The following PHF19 variants were observed in gnomAD, a reference collection of about 807,000 sequenced individuals.
PHF19 encodes the protein polycomb like 3.
A neutral mutation model predicts 79.8 loss-of-function variants in PHF19; 21 were observed. That is an observed-to-expected ratio of 0.26 (90% CI 0.19 to 0.38). PHF19 has a LOEUF of 0.38. PHF19 is among the 10% of genes least tolerant of loss of function. The pLI, the probability that PHF19 is intolerant of heterozygous loss-of-function variation, is 1.00. For missense variants in PHF19, 445 were observed against 744.2 expected, an observed-to-expected ratio of 0.60 and a Z score of 4.68; for synonymous variants, 273 against 296.3, an observed-to-expected ratio of 0.92 and a Z score of 0.81.
intron 1 of PHF19, among the ~76,000 whole-genome samples, chr9:120,888,196 G>A (rs2046294601): frequency 2.0e-5 from 3 of 152,114 alleles, no homozygotes; most frequent in South Asian, 2.1e-4. Flanking sequence ...GGCTGGTCTT[G>A]AACTCCTGAC....
chr9:120,863,799 C>T (rs537075277), intron 10 of PHF19, among the ~76,000 whole-genome samples: 12 of 152,286 alleles, frequency 7.9e-5, no homozygotes, highest in African/African-American at 2.6e-4. Flanking sequence ...CCGGAGGGGC[C>T]CTCAGAGAGC....
intron 1 of PHF19, among the ~76,000 whole-genome samples, chr9:120,885,406 C>T (rs747860145): frequency 6.6e-6 from 1 of 151,996 alleles, no homozygotes; most frequent in Non-Finnish European, 1.5e-5. Context: ...GGTGAAACCT[C>T]GTCTCTACTA....
chr9:120,892,689 T>C (rs957953458), intron 1 of PHF19, among the ~76,000 whole-genome samples: 1 of 152,218 alleles, frequency 6.6e-6, no homozygotes, highest in Non-Finnish European at 1.5e-5. Context: ...ACTTCTGTTT[T>C]TCGTTTGATG....
chr9:120,861,891 T>C, intron 12 of PHF19, 27 bp downstream of exon 12: 1 of 1,496,926 alleles, frequency 6.7e-7, no homozygotes, highest in Non-Finnish European at 9.3e-7. Flanking sequence ...CGTATGAAAA[T>C]GGAGAGTAAG....
At chr9:120,859,564 T>C (rs781360124) in intron 14 of PHF19, among the ~76,000 whole-genome samples, 7 of 152,198 alleles carry the variant, frequency 4.6e-5, no homozygotes, top group Non-Finnish European at 1.0e-4. Context: ...GTACTGGAGA[T>C]AGGCCCCCAG....
chr9:120,873,858 T>C, intron 3 of PHF19, 121 bp downstream of exon 3: 1 of 656,024 alleles, frequency 1.5e-6, no homozygotes, highest in Admixed American at 2.5e-5. Flanking sequence ...GGGCTTGGGG[T>C]TCATGGTCAA....
In PHF19 at chr9:120,869,823, C is replaced by G. The variant is rs745623080; in HGVS notation, c.465+22G>C. The G allele has an allele frequency of 6.2e-7, 1 of 1,612,900 alleles. No individual in the cohort carries two copies. The highest frequency in any genetic ancestry group is 8.5e-7 in the Non-Finnish European group (1 of 1,179,630). ...CTGGAGGAGGCAGGAGAGGCAGGGA[C>G]TGGGGAGGATGGAAGGCTCACCCGC... is the stretch of plus-strand genomic sequence containing the variant. On this transcript the variant is annotated intron_variant, in intron 5 of 14. Coordinates refer to ENST00000373896, the MANE Select transcript of PHF19 (RefSeq NM_015651.3). This position sits in a 1 kb window ranked among gnomAD's most constrained non-coding sequence, Gnocchi z 5.8.
chr9:120,861,487 C>A (rs1479731140), intron 12 of PHF19, among the ~76,000 whole-genome samples: 1 of 152,226 alleles, frequency 6.6e-6, no homozygotes, highest in Non-Finnish European at 1.5e-5. Flanking sequence ...AATAATGCTT[C>A]TAAACCGCAA....
chr9:120,876,643 G>C (rs1487401924), intron 1 of PHF19, among the ~76,000 whole-genome samples: 2 of 152,230 alleles, frequency 1.3e-5, no homozygotes, highest in African/African-American at 4.8e-5. Context: ...GCCTCTCCCA[G>C]GGCGGCCGTT....
intron 1 of PHF19, among the ~76,000 whole-genome samples, chr9:120,884,697 C>T (rs1334608883): frequency 6.7e-6 from 1 of 149,846 alleles, no homozygotes. Context: ...CACCAGAGGC[C>T]AGGAGTTTGA....
At chr9:120,880,323 C>T (rs148099046), upstream of PHF19, among the ~76,000 whole-genome samples, 696 of 152,216 alleles carry the variant, frequency 4.6e-3, 10 homozygotes, top group African/African-American at 0.016. Context: ...GGTGAAATCC[C>T]GTCTCTACTA....
In PHF19 at chr9:120,870,595, T is replaced by C; in HGVS notation, c.269-57A>G. ...GCTCACAGGAATGGAAGTTTTATACTCACATTCCAGATGCCCAGCCTCTAA... is the reference window on the plus strand; with the variant it reads ...GCTCACAGGAATGGAAGTTTTATACCCACATTCCAGATGCCCAGCCTCTAA... On this transcript the variant is annotated intron_variant, in intron 3 of 14. Coordinates refer to ENST00000373896, the MANE Select transcript of PHF19 (RefSeq NM_015651.3). This position sits in a 1 kb window ranked among gnomAD's most constrained non-coding sequence, Gnocchi z 4.4. 9.7e-7 allele frequency: 1 copy of C among 1,030,634 alleles called. No individual in the cohort carries two copies. Among genetic ancestry groups the C allele is most frequent in the Non-Finnish European group, 1.5e-6 (1 of 649,124 alleles). 63.8% of individuals were successfully genotyped at this position (1,030,634 alleles called of 1,614,324 possible).
chr9:120,893,422 C>A (rs1048600728), intron 1 of PHF19, among the ~76,000 whole-genome samples: 1 of 152,148 alleles, frequency 6.6e-6, no homozygotes, highest in Non-Finnish European at 1.5e-5. Flanking sequence ...AGTGTGGCTG[C>A]CCCATCACTC....
chr9:120,866,032 G>A lies in PHF19; in HGVS notation c.775C>T (p.Arg259Ter), dbSNP rs1219523500. Residue 259 changes from arginine to a stop codon, truncating the protein, a stop_gained, in exon 8 of 15, where the codon CGA (arginine) becomes TGA (stop). Coordinates refer to ENST00000373896, the MANE Select transcript of PHF19 (RefSeq NM_015651.3). LOFTEE classifies it high-confidence loss of function. The surrounding 1 kb of genome is among the most constrained non-coding windows in gnomAD (Gnocchi z 5.2). ...GPEYIERLPL[R>*]WVDVVHLALY... ...GACTAAGCCCCACCCTCTCACCATC[G>A]CAGGGGCAGCCTCTCGATGTACTCT... 5 of 1,612,652 alleles carry A rather than the reference G, an allele frequency of 3.1e-6. No individual in the cohort carries two copies. The highest frequency in any genetic ancestry group is 2.2e-5 in the East Asian group (1 of 44,874).
upstream of PHF19, among the ~76,000 whole-genome samples, chr9:120,880,696 C>T (rs1474500846): frequency 6.6e-6 from 1 of 152,162 alleles, no homozygotes; most frequent in African/African-American, 2.4e-5. Context: ...GCCCGTGGCT[C>T]AAGTCTGTAT....
In PHF19 at chr9:120,866,710, G is replaced by GA. The variant is rs2045712886; in HGVS notation, c.710+159dup. Among the ~76,000 whole-genome samples, 1 of 152,202 alleles carries GA rather than the reference G, an allele frequency of 6.6e-6. No homozygotes were observed. On this transcript the variant is annotated intron_variant, in intron 7 of 14. Transcript: ENST00000373896. The surrounding 1 kb of genome is among the most constrained non-coding windows in gnomAD (Gnocchi z 5.2). ...GCCTCCTGGCCCTGCATAGCTAGGG[G>GA]ATCCCCTACCTTGAGCTGCCTCCAG...
At chr9:120,902,522 G>C in the PHF19 span, 15 of 131,912 alleles carry the variant, frequency 1.1e-4, no homozygotes, top group African/African-American at 4.4e-4. Flanking sequence ...GGGGGGGGGG[G>C]CGGTGGGCAC....
At chr9:120,887,621 A>AACACACACACACACAC (rs764204141) in intron 1 of PHF19, among the ~76,000 whole-genome samples, 2 of 113,642 alleles carry the variant, frequency 1.8e-5, no homozygotes, top group African/African-American at 7.0e-5. Context: ...TTTATGAACA[A>AACACACACACACACAC]ACACACACAC....
At chr9:120,877,431 G>C, upstream of PHF19, 1 of 680,150 alleles carries the variant, frequency 1.5e-6, no homozygotes, top group Non-Finnish European at 1.8e-6. Context: ...AGCGCCGCCA[G>C]CCCCCGCCCG....
Sources: allele counts gnomAD v4.1 joint callset (sites outside exome capture counted in the v4.1 genomes callset), GRCh38; gene constraint gnomAD v4.1.1; non-coding constraint Gnocchi (gnomAD v3.1); transcripts MANE v1.5; gene names NCBI Gene and HGNC (gene_info 2026-07-23, HGNC 2026-07-21).